The following WDR27 variants were observed in gnomAD, a reference collection of about 807,000 sequenced individuals.
WDR27 encodes WD repeat-containing protein 27.
WDR27 carries 100 observed loss-of-function variants against 114.4 expected under a neutral mutation model. The ratio of observed to expected loss-of-function variants is 0.87; its 90% CI spans 0.74 to 1.03. WDR27 has a LOEUF of 1.03. WDR27 is among the 50% of genes least tolerant of loss of function. WDR27 has a pLI of 0.00. For missense variants in WDR27, 1,129 were observed against 1,092.9 expected (o/e 1.03, Z -0.47); for synonymous variants, 449 against 423.1 (o/e 1.06, Z -0.75).
chr6:169,658,858 T>C (rs1387777874), intron 12 of WDR27, among the ~76,000 whole-genome samples: 1 of 152,074 alleles, frequency 6.6e-6, no homozygotes, highest in Non-Finnish European at 1.5e-5. Flanking sequence ...TAATTGTTTT[T>C]TGTATTTTTT....
chr6:169,581,814 C>G (rs901788027), intron 24 of WDR27, among the ~76,000 whole-genome samples: 3 of 152,116 alleles, frequency 2.0e-5, no homozygotes, highest in Admixed American at 6.5e-5. Flanking sequence ...CAGAGAAGAG[C>G]GGGTCACAAG....
chr6:169,567,285 G>T (rs537270545), intron 25 of WDR27, among the ~76,000 whole-genome samples: 1 of 152,194 alleles, frequency 6.6e-6, no homozygotes, highest in Admixed American at 6.5e-5. Context: ...CAGGTGTGAG[G>T]AGTCCAGGTT....
rs1825395977 is a variant in WDR27, at chr6:169,659,601, C to T, written c.1130-83G>A. 7.4e-7 allele frequency: 1 copy of T among 1,343,150 alleles called. No individual in the cohort carries two copies. The highest frequency in any genetic ancestry group is 1.0e-6 in the Non-Finnish European group (1 of 963,552). 83.2% of individuals were successfully genotyped at this position (1,343,150 alleles called of 1,614,324 possible). A position where few individuals can be genotyped will look rare whatever the true frequency, so the allele number is the denominator to read the frequency against. Reference sequence around the variant, plus strand: ...CGGAGTCACTGCCCAGAGCCCACCACACACAGCCCAGAGCCCACCACACAC... The same window carrying T: ...CGGAGTCACTGCCCAGAGCCCACCATACACAGCCCAGAGCCCACCACACAC... On this transcript the variant is annotated intron_variant, in intron 10 of 25. Coordinates refer to ENST00000448612, the MANE Select transcript of WDR27 (RefSeq NM_182552.5). The surrounding 1 kb of genome is among the most constrained non-coding windows in gnomAD (Gnocchi z 4.3).
intron 25 of WDR27, among the ~76,000 whole-genome samples, chr6:169,561,467 T>C (rs910061304): frequency 6.6e-6 from 1 of 152,210 alleles, no homozygotes; most frequent in African/African-American, 2.4e-5. Context: ...AAGTTTGCTA[T>C]TGTGAGATGA....
intron 25 of WDR27, among the ~76,000 whole-genome samples, chr6:169,460,528 C>T (rs989002455): frequency 6.6e-6 from 1 of 151,910 alleles, no homozygotes; most frequent in Admixed American, 6.6e-5. Flanking sequence ...AAATAAGGGA[C>T]AAAAAACTAT....
At chr6:169,540,637 G>A (rs1796727011) in intron 25 of WDR27, among the ~76,000 whole-genome samples, 2 of 151,618 alleles carry the variant, frequency 1.3e-5, no homozygotes, top group South Asian at 4.2e-4. Flanking sequence ...ACCATTTTTT[G>A]GTCAGGCTAG....
downstream of WDR27, among the ~76,000 whole-genome samples, chr6:169,453,752 A>G (rs570772770): frequency 1.3e-5 from 2 of 152,312 alleles, no homozygotes; most frequent in Admixed American, 6.5e-5. Flanking sequence ...GAAAAGTCCA[A>G]ATACGTTACT....
chr6:169,614,777 C>T (rs1323792919), intron 21 of WDR27, among the ~76,000 whole-genome samples: 3 of 151,998 alleles, frequency 2.0e-5, no homozygotes, highest in East Asian at 1.9e-4. Context: ...AATAATTGAG[C>T]AGGTATTCAA....
chr6:169,432,251 A>C, the WDR27 span, among the ~76,000 whole-genome samples: 11 of 152,326 alleles, frequency 7.2e-5, no homozygotes, highest in South Asian at 2.1e-3. Context: ...ATACTGTAAA[A>C]CTTTATTAGA....
downstream of WDR27, among the ~76,000 whole-genome samples, chr6:169,456,392 G>GA (rs34234087): frequency 0.17 from 25,659 of 152,056 alleles, 3,275 homozygotes; most frequent in East Asian, 0.62. This position sits in a 1 kb window ranked among gnomAD's most constrained non-coding sequence, Gnocchi z 4.0. Context: ...CTCTGGGTGG[G>GA]ATGAAAGCCC....
At position 169,667,133 on chromosome 6, in the gene WDR27, T is replaced by A; in HGVS notation, c.712+3A>T. On this transcript the variant is annotated splice_donor_region_variant and intron_variant, in intron 6 of 25. Transcript: ENST00000448612. ...ACAGAAAACATGAAAGTTTTAAATT[T>A]ACCTGATAACACAGATGAACTGTAT... is the stretch of plus-strand genomic sequence containing the variant. 6.6e-7 allele frequency: 1 copy of A among 1,518,010 alleles called. No homozygotes were observed. 94.0% of individuals were successfully genotyped at this position (1,518,010 alleles called of 1,614,324 possible). A position where few individuals can be genotyped will look rare whatever the true frequency, so the allele number is the denominator to read the frequency against.
At chr6:169,482,321 G>A (rs906191585) in intron 25 of WDR27, among the ~76,000 whole-genome samples, 6 of 152,176 alleles carry the variant, frequency 3.9e-5, no homozygotes, top group African/African-American at 1.4e-4. Flanking sequence ...CCAAGTAATG[G>A]GATTGCTAGG....
rs574294043 is a variant in WDR27 at position 169,512,816 on chromosome 6, AT to A, written c.2646-55183del. ...AAGAAAGAATGTGAAAAAATAGTTCATGGCTAGTAGTTCTGAAGCAGTGTTT... is the reference window on the plus strand; with the variant it reads ...AAGAAAGAATGTGAAAAAATAGTTCAGGCTAGTAGTTCTGAAGCAGTGTTT... On this transcript the variant is annotated intron_variant, in intron 25 of 25. Coordinates refer to ENST00000448612, the MANE Select transcript of WDR27 (RefSeq NM_182552.5). Among the ~76,000 whole-genome samples the A allele has an allele frequency of 1.5e-4, 23 of 152,356 alleles. 1 individual carries two copies. The East Asian group carries it at 3.7e-3, about 24-fold the overall frequency.
At chr6:169,636,192 T>C (rs1817625952) in intron 19 of WDR27, among the ~76,000 whole-genome samples, 179 bp downstream of exon 19, 1 of 152,254 alleles carries the variant, frequency 6.6e-6, no homozygotes, top group Non-Finnish European at 1.5e-5. Flanking sequence ...CGCATAGTAA[T>C]ACAAAGGAAG....
At chr6:169,615,076 A>G (rs1293040185) in intron 21 of WDR27, among the ~76,000 whole-genome samples, 1 of 152,224 alleles carries the variant, frequency 6.6e-6, no homozygotes, top group Non-Finnish European at 1.5e-5. Context: ...AAAATTCAGG[A>G]TAAGTAGAAA....
intron 12 of WDR27, 97 bp downstream of exon 12, chr6:169,658,989 A>G: frequency 2.1e-6 from 3 of 1,438,910 alleles, no homozygotes; most frequent in Non-Finnish European, 2.7e-6. Flanking sequence ...GCCCGGCCAG[A>G]GCTCAGAGTT....
At chr6:169,440,286 C>T in the WDR27 span, among the ~76,000 whole-genome samples, 1 of 152,168 alleles carries the variant, frequency 6.6e-6, no homozygotes, top group Non-Finnish European at 1.5e-5. Flanking sequence ...ATACTAAACT[C>T]TCCTAAGTTC....
intron 25 of WDR27, among the ~76,000 whole-genome samples, chr6:169,464,572 A>G (rs1176368948): frequency 6.6e-6 from 1 of 152,242 alleles, no homozygotes; most frequent in Admixed American, 6.5e-5. Context: ...GGTACTATTA[A>G]AAGAGTGAAA....
rs947156836 is a variant in WDR27 at position 169,655,097 on chromosome 6, C to T, written c.1403-3089G>A. On this transcript the variant is annotated intron_variant, in intron 13 of 25. Transcript: ENST00000448612. Reference sequence around the variant, plus strand: ...CTGCCGCCCTGTGGTTACTTTGCCACGTTCCTGTCTTCGCTGTTGCCTGGG... The same window carrying T: ...CTGCCGCCCTGTGGTTACTTTGCCATGTTCCTGTCTTCGCTGTTGCCTGGG... 7.2e-5 allele frequency among the ~76,000 whole-genome samples: 11 copies of T among 152,238 alleles called. No individual in the cohort carries two copies. The South Asian group carries it at 1.2e-3, about 17-fold the overall frequency.
Sources: gnomAD v4.1 joint callset for allele counts (sites outside exome capture counted in the v4.1 genomes callset) on GRCh38, gnomAD v4.1.1 for gene constraint, Gnocchi (gnomAD v3.1) non-coding constraint, MANE v1.5 for transcripts, NCBI Gene and HGNC (gene_info 2026-07-23, HGNC 2026-07-21) for gene names.